NLGN1: variants seen among roughly 807,000 people sequenced by gnomAD.
NLGN1 encodes neuroligin-1.
Under a neutral mutation model 65.5 loss-of-function variants are expected in NLGN1, and 12 were observed. That is an observed-to-expected ratio of 0.18 (90% confidence interval 0.12 to 0.30). NLGN1 has a LOEUF of 0.30. Ranked by LOEUF, NLGN1 falls within the 10% of genes least tolerant of loss-of-function variation. The probability of loss-of-function intolerance (pLI) is 1.00; values close to 1 mark genes in which losing one functional copy is unlikely to be tolerated. For synonymous variants in NLGN1, 350 were observed against 359.5 expected (o/e 0.97, Z 0.30); for missense variants, 750 against 1,007.1 (o/e 0.74, Z 3.46).
At chr3:174,211,246 T>TG (rs1736439688) in intron 4 of NLGN1, among the ~76,000 whole-genome samples, 1 of 152,214 alleles carries the variant, frequency 6.6e-6, no homozygotes, top group Non-Finnish European at 1.5e-5. Flanking sequence ...ATGCTGGCTC[T>TG]GGCAGCCTGC....
chr3:173,424,958 A>G (rs1260691321), intron 1 of NLGN1, among the ~76,000 whole-genome samples: 5 of 152,156 alleles, frequency 3.3e-5, no homozygotes, highest in Non-Finnish European at 7.4e-5. Context: ...TTCTATAAAG[A>G]TACTACCTGA....
upstream of NLGN1, among the ~76,000 whole-genome samples, chr3:173,396,896 T>G (rs3752768): frequency 3.3e-5 from 5 of 151,920 alleles, no homozygotes; most frequent in South Asian, 1.0e-3. Flanking sequence ...ATCGTCTATT[T>G]GAGTTTAAAT....
chr3:174,114,003 T>G (rs1410467985), intron 4 of NLGN1, among the ~76,000 whole-genome samples: 1 of 152,160 alleles, frequency 6.6e-6, no homozygotes, highest in Non-Finnish European at 1.5e-5. Context: ...TAAAGATAAT[T>G]TATTTTACCA....
intron 3 of NLGN1, among the ~76,000 whole-genome samples, chr3:173,771,567 C>T (rs1415582150): frequency 2.2e-5 from 1 of 46,100 alleles, no homozygotes; most frequent in Non-Finnish European, 6.1e-5. Flanking sequence ...ATAACTAACA[C>T]CTTGAATTGT....
At chr3:173,545,376 C>T (rs557185847) in intron 2 of NLGN1, among the ~76,000 whole-genome samples, 18 of 151,896 alleles carry the variant, frequency 1.2e-4, no homozygotes, top group East Asian at 7.8e-4. Flanking sequence ...GCCTGGCCCT[C>T]GGTAAAGTTT....
intron 4 of NLGN1, among the ~76,000 whole-genome samples, chr3:173,812,153 G>A (rs772944275): frequency 1.3e-5 from 2 of 152,044 alleles, no homozygotes; most frequent in African/African-American, 2.4e-5. Flanking sequence ...ATTTTACTTG[G>A]TAATTGAATA....
intron 4 of NLGN1, among the ~76,000 whole-genome samples, chr3:174,071,854 T>G (rs142234640): frequency 6.6e-6 from 1 of 152,248 alleles, no homozygotes; most frequent in East Asian, 1.9e-4. Context: ...TGTGAGAAAC[T>G]AAGTATTTCC....
intron 3 of NLGN1, chr3:173,800,457 A>G: frequency 7.2e-6 from 2 of 278,428 alleles, no homozygotes; most frequent in South Asian, 4.2e-5. Flanking sequence ...GTTGTTTTTA[A>G]TTCCTGTTTT....
At position 174,066,564 on chromosome 3, in the gene NLGN1, C is replaced by CTGTGTGTGTGTGTGTG. The variant is rs761468491; in HGVS notation, c.647-208739_647-208724dup. Among the ~76,000 whole-genome samples, 23 of 100,098 alleles carry CTGTGTGTGTGTGTGTG rather than the reference C, an allele frequency of 2.3e-4. 1 individual carries two copies. The highest frequency in any genetic ancestry group is 9.5e-4 in the African/African-American group (23 of 24,334). 65.7% of individuals were successfully genotyped at this position (100,098 alleles called of 152,430 possible). ...TCTCTCTCTCTCTCTCTCTCTCTCT[C>CTGTGTGTGTGTGTGTG]TGTGTGTGTGTGTGTGTGTGTGTGT... On this transcript the variant is annotated intron_variant, in intron 4 of 6. Transcript: ENST00000457714.
chr3:173,835,011 GGC>G (rs1019209685), intron 4 of NLGN1, among the ~76,000 whole-genome samples: 3 of 152,084 alleles, frequency 2.0e-5, no homozygotes, highest in African/African-American at 4.8e-5. Context: ...GCCTAATTCT[GGC>G]AATGAATTCT....
At chr3:174,059,360 C>T (rs965415341) in intron 4 of NLGN1, among the ~76,000 whole-genome samples, 3 of 152,040 alleles carry the variant, frequency 2.0e-5, no homozygotes, top group African/African-American at 7.2e-5. Context: ...ATTAGAATTC[C>T]GTTCAACAGT....
At chr3:173,974,730 GGA>G (rs1176681074) in intron 4 of NLGN1, among the ~76,000 whole-genome samples, 1 of 152,014 alleles carries the variant, frequency 6.6e-6, no homozygotes, top group Admixed American at 6.6e-5. Context: ...GGCAAAGATA[GGA>G]ATGTTTTGCT....
chr3:173,708,655 G>T (rs1768439081), intron 3 of NLGN1, among the ~76,000 whole-genome samples: 1 of 152,056 alleles, frequency 6.6e-6, no homozygotes, highest in African/African-American at 2.4e-5. Flanking sequence ...GGGCCCCCTA[G>T]AATCCTTGTC....
At chr3:173,723,553 A>G (rs975101741) in intron 3 of NLGN1, among the ~76,000 whole-genome samples, 1 of 152,194 alleles carries the variant, frequency 6.6e-6, no homozygotes, top group Admixed American at 6.6e-5. Flanking sequence ...TAGTGCCTAT[A>G]ATTCAACTGA....
chr3:173,546,655 T>C (rs1044679067), intron 2 of NLGN1, among the ~76,000 whole-genome samples: 1 of 152,204 alleles, frequency 6.6e-6, no homozygotes, highest in African/African-American at 2.4e-5. Context: ...CCTCTGTCTG[T>C]TATGTATAGG....
chr3:173,704,466 A>T (rs1035038292), intron 3 of NLGN1, among the ~76,000 whole-genome samples: 1 of 152,180 alleles, frequency 6.6e-6, no homozygotes, highest in African/African-American at 2.4e-5. Flanking sequence ...AAAAGTGCTC[A>T]TAACAGTTAT....
chr3:173,769,315 C>T (rs978391951), intron 3 of NLGN1, among the ~76,000 whole-genome samples: 1 of 152,144 alleles, frequency 6.6e-6, no homozygotes, highest in Non-Finnish European at 1.5e-5. Flanking sequence ...CAAGGACAGT[C>T]CATCCCTCAT....
At chr3:173,576,967 T>C (rs1334138328) in intron 2 of NLGN1, among the ~76,000 whole-genome samples, 1 of 152,214 alleles carries the variant, frequency 6.6e-6, no homozygotes, top group African/African-American at 2.4e-5. Flanking sequence ...AGGTGTGGCA[T>C]GGCACAACAG....
At chr3:173,647,561 A>G (rs142522510) in intron 3 of NLGN1, among the ~76,000 whole-genome samples, 177 of 152,280 alleles carry the variant, frequency 1.2e-3, no homozygotes, top group African/African-American at 3.5e-3. Context: ...ATTCCCAAAT[A>G]TTTGAAAACC....
Sources: allele counts gnomAD v4.1 joint callset (sites outside exome capture counted in the v4.1 genomes callset), GRCh38; gene constraint gnomAD v4.1.1; transcripts MANE v1.5; gene names NCBI Gene and HGNC (gene_info 2026-07-23, HGNC 2026-07-21).